GRK7: variants seen among roughly 807,000 people sequenced by gnomAD.
GRK7 encodes G protein-coupled receptor kinase 7, also known as rhodopsin kinase GRK7.
A neutral mutation model predicts 34.1 loss-of-function variants in GRK7; 24 were observed. The ratio of observed to expected loss-of-function variants is 0.70; its 90% CI spans 0.51 to 0.99. The LOEUF (loss-of-function observed/expected upper bound fraction) is 0.99, where lower values mean the gene tolerates loss of function less well. GRK7 is among the 50% of genes least tolerant of loss of function. The pLI, the probability that GRK7 is intolerant of heterozygous loss-of-function variation, is 0.00. For synonymous variants in GRK7, 256 were observed against 279.4 expected (o/e 0.92, Z 0.84); for missense variants, 644 against 707.3 (o/e 0.91, Z 1.02).
intron 4 of GRK7, among the ~76,000 whole-genome samples, chr3:141,790,360 G>A (rs2084718498): frequency 1.3e-5 from 2 of 152,260 alleles, no homozygotes; most frequent in South Asian, 4.1e-4. Flanking sequence ...CAGAATAAGT[G>A]CATGTGATGA....
chr3:141,786,929 G>A (rs1392295608), intron 4 of GRK7, among the ~76,000 whole-genome samples: 2 of 152,172 alleles, frequency 1.3e-5, no homozygotes, highest in African/African-American at 2.4e-5. Flanking sequence ...GAGGGCCTCT[G>A]TGCACCCTGC....
chr3:141,783,409 T>A (rs1467234365), intron 4 of GRK7, among the ~76,000 whole-genome samples: 1 of 152,006 alleles, frequency 6.6e-6, no homozygotes, highest in African/African-American at 2.4e-5. Flanking sequence ...GAGGCAGGGG[T>A]GAAGGAGCGG....
chr3:141,750,591 A>G, the GRK7 span, among the ~76,000 whole-genome samples: 2 of 152,164 alleles, frequency 1.3e-5, no homozygotes, highest in Non-Finnish European at 2.9e-5. Flanking sequence ...AATGTCAGCC[A>G]TTATTATTGA....
At chr3:141,794,718 GCT>G (rs1264702650) in intron 4 of GRK7, among the ~76,000 whole-genome samples, 1 of 152,190 alleles carries the variant, frequency 6.6e-6, no homozygotes, top group African/African-American at 2.4e-5. Flanking sequence ...AGGTGATGGG[GCT>G]CAGACCACAG....
intron 5 of GRK7, 96 bp downstream of exon 5, chr3:141,808,015 G>A: frequency 8.9e-7 from 1 of 1,127,152 alleles, no homozygotes; most frequent in Non-Finnish European, 1.2e-6. Flanking sequence ...TTGGAATTAA[G>A]TATTATGATT....
chr3:141,815,801 G>A (rs1389067314), intron 5 of GRK7, among the ~76,000 whole-genome samples: 1 of 151,222 alleles, frequency 6.6e-6, no homozygotes, highest in East Asian at 1.9e-4. Context: ...TGTGATACAG[G>A]ATGGAGGCTT....
At chr3:141,769,996 C>A (rs1000603620) in intron 1 of GRK7, among the ~76,000 whole-genome samples, 2 of 152,220 alleles carry the variant, frequency 1.3e-5, no homozygotes, top group African/African-American at 2.4e-5. Flanking sequence ...CCCACTGCAA[C>A]CTCTGCCTCC....
chr3:141,754,504 T>C, the GRK7 span, among the ~76,000 whole-genome samples: 1 of 148,728 alleles, frequency 6.7e-6, no homozygotes, highest in Non-Finnish European at 1.5e-5. Context: ...GTGCAATCTC[T>C]GCTCACTGCA....
At chr3:141,752,891 G>C in the GRK7 span, among the ~76,000 whole-genome samples, 1 of 152,176 alleles carries the variant, frequency 6.6e-6, no homozygotes, top group Non-Finnish European at 1.5e-5. Context: ...AAACTATGTA[G>C]GGACACAGTG....
intron 4 of GRK7, among the ~76,000 whole-genome samples, chr3:141,798,342 A>G (rs1710915956): frequency 1.3e-5 from 2 of 152,312 alleles, no homozygotes; most frequent in African/African-American, 2.4e-5. Context: ...ATGTCGCCCA[A>G]TGCTGGGTAT....
At chr3:141,802,597 T>C (rs1321985950) in intron 4 of GRK7, among the ~76,000 whole-genome samples, 3 of 152,160 alleles carry the variant, frequency 2.0e-5, no homozygotes, top group Non-Finnish European at 2.9e-5. Context: ...CTGCCTCCTT[T>C]TCTCTCCCTC....
At chr3:141,790,584 G>A (rs1473326610) in intron 4 of GRK7, among the ~76,000 whole-genome samples, 1 of 134,184 alleles carries the variant, frequency 7.5e-6, no homozygotes, top group Non-Finnish European at 1.6e-5. Flanking sequence ...TTTTTTTTTA[G>A]ATGGAGTCTT....
In GRK7 at chr3:141,778,904, T is replaced by C. The variant is rs762058612; in HGVS notation, c.612+8T>C. The stretch of plus-strand genomic sequence containing the variant: ...AAAGGTGGTTTTGGGGAGGTAAGTG[T>C]CTCCCAGTAGCCAGGCTAGAAGGTG... On this transcript the variant is annotated splice_region_variant and intron_variant, in intron 3 of 5. Transcript: ENST00000682958. This position sits in a 1 kb window ranked among gnomAD's most constrained non-coding sequence, Gnocchi z 4.1. 3.1e-6 allele frequency: 5 copies of C among 1,599,482 alleles called. No individual in the cohort carries two copies. The highest frequency in any genetic ancestry group is 4.3e-6 in the Non-Finnish European group (5 of 1,174,176).
chr3:141,812,052 T>C (rs1711097667), intron 5 of GRK7, among the ~76,000 whole-genome samples: 1 of 152,244 alleles, frequency 6.6e-6, no homozygotes, highest in South Asian at 2.1e-4. Flanking sequence ...TGAAAATCTC[T>C]GATTTAAGTG....
intron 4 of GRK7, among the ~76,000 whole-genome samples, chr3:141,795,399 T>C (rs528493098): frequency 1.3e-5 from 2 of 152,296 alleles, no homozygotes; most frequent in South Asian, 4.1e-4. Context: ...ACATCCACAG[T>C]GCCACACTTG....
chr3:141,810,925 C>T (rs148524728), intron 5 of GRK7, among the ~76,000 whole-genome samples: 10 of 152,232 alleles, frequency 6.6e-5, no homozygotes, highest in South Asian at 2.1e-4. Context: ...TCCAAAGGTG[C>T]GGGAGCAGTG....
rs553794540 is a variant in GRK7, at chr3:141,783,282, G to T, written c.1050+2471G>T. 2.6e-5 allele frequency among the ~76,000 whole-genome samples: 4 copies of T among 152,114 alleles called. No individual in the cohort carries two copies. In the South Asian group the frequency reaches 8.3e-4, roughly 32 times the overall value. On this transcript the variant is annotated intron_variant, in intron 4 of 5. Transcript: ENST00000682958. ...CAAATGACATTCTTGAAAATTCTTTGGTTAAAAAGGGAATTATAATTAAGC... is the reference window on the plus strand; with the variant it reads ...CAAATGACATTCTTGAAAATTCTTTTGTTAAAAAGGGAATTATAATTAAGC...
rs2084568134 is a variant in GRK7, at chr3:141,763,862, T to TCTTCC, written c.-2083_-2079dup. Among the ~76,000 whole-genome samples the TCTTCC allele has an allele frequency of 6.6e-6, 1 of 152,150 alleles. No homozygotes were observed. Among genetic ancestry groups the TCTTCC allele is most frequent in the Non-Finnish European group, 1.5e-5 (1 of 68,040 alleles). ...TACACCAACAAAATTTCCTCCGTCCTCTTCCCTTCCCTACAAATTCCCTCC... is the reference window on the plus strand; with the variant it reads ...TACACCAACAAAATTTCCTCCGTCCTCTTCCCTTCCCTTCCCTACAAATTCCCTCC... On this transcript the variant is annotated 5_prime_UTR_variant, in exon 1 of 6. Coordinates refer to ENST00000682958, the MANE Select transcript of GRK7 (RefSeq NM_139209.3).
chr3:141,791,272 G>T (rs1320617392), intron 4 of GRK7, among the ~76,000 whole-genome samples: 1 of 152,164 alleles, frequency 6.6e-6, no homozygotes, highest in Admixed American at 6.5e-5. Flanking sequence ...AGACATACTG[G>T]AAAGGTGATT....
Sources: gnomAD v4.1 joint callset for allele counts (sites outside exome capture counted in the v4.1 genomes callset) on GRCh38, gnomAD v4.1.1 for gene constraint, Gnocchi (gnomAD v3.1) non-coding constraint, MANE v1.5 for transcripts, NCBI Gene and HGNC (gene_info 2026-07-23, HGNC 2026-07-21) for gene names.